TAFA2: variants seen among roughly 807,000 people sequenced by gnomAD.
The protein encoded by TAFA2 is chemokine-like protein TAFA-2.
In TAFA2, 7 loss-of-function variants were observed where a neutral mutation model predicts 18.8. That is an observed-to-expected ratio of 0.37 (90% CI 0.21 to 0.70). The LOEUF (loss-of-function observed/expected upper bound fraction) is 0.70, where lower values mean the gene tolerates loss of function less well. Among genes scored for constraint, TAFA2 ranks in the 30% least tolerant of loss-of-function variants. The pLI is 0.53. For missense variants in TAFA2, 122 were observed against 158.1 expected (o/e 0.77, Z 1.23); for synonymous variants, 60 against 54.2 (o/e 1.11, Z -0.47).
intron 1 of TAFA2, among the ~76,000 whole-genome samples, chr12:62,156,593 T>C (rs112433650): frequency 6.6e-6 from 1 of 151,974 alleles, no homozygotes; most frequent in African/African-American, 2.4e-5. Flanking sequence ...AATATATATA[T>C]AATATATATG....
In TAFA2 at chr12:62,031,952, T is replaced by C. The variant is rs144212777; in HGVS notation, c.-2+159307A>G. On this transcript the variant is annotated intron_variant, in intron 1 of 4. Transcript: ENST00000416284. ...TTTAGCTAGTATATTATGAGAAATA[T>C]TGTAAAACGTTATTTCTTCTTAACA... Among the ~76,000 whole-genome samples, 20 of 152,336 alleles carry C rather than the reference T, an allele frequency of 1.3e-4. No individual in the cohort carries two copies. The East Asian group carries it at 2.3e-3, about 18-fold the overall frequency.
At chr12:62,232,512 C>T (rs962885142) in intron 1 of TAFA2, among the ~76,000 whole-genome samples, 1 of 152,052 alleles carries the variant, frequency 6.6e-6, no homozygotes, top group Non-Finnish European at 1.5e-5. Flanking sequence ...AGAGAGTCCA[C>T]GTCTTTGTTT....
chr12:62,034,007 C>T lies in TAFA2; in HGVS notation c.-2+157252G>A, dbSNP rs536823759. Among the ~76,000 whole-genome samples, 58 of 152,282 alleles carry T rather than the reference C, an allele frequency of 3.8e-4. 1 individual carries two copies. Among genetic ancestry groups the T allele is most frequent in the Non-Finnish European group, 6.8e-4 (46 of 68,020 alleles). On this transcript the variant is annotated intron_variant, in intron 1 of 4. Transcript: ENST00000416284. ...AATTTCATGTGGTTCAATCTAATCC[C>T]TTTATTCAAAAAGCATTAACTGAAT...
At chr12:62,244,237 C>CT (rs35569192) in intron 1 of TAFA2, among the ~76,000 whole-genome samples, 2,220 of 134,244 alleles carry the variant, frequency 0.017, 46 homozygotes, top group African/African-American at 0.03. Flanking sequence ...TTTCTTTTGT[C>CT]TTTTTTTTTT....
chr12:61,929,974 G>A (rs991223326), intron 1 of TAFA2, among the ~76,000 whole-genome samples: 8 of 147,442 alleles, frequency 5.4e-5, no homozygotes, highest in Admixed American at 4.7e-4. Context: ...ATGGACACAG[G>A]AAGGGGAACA....
Position 61,981,404 on chromosome 12 carries a change from G to A in TAFA2, c.-1-113978C>T, listed in dbSNP as rs538721678. ...CTTTCAGGACATAGGCATGGGCAAG[G>A]ACTTCATGTCTAAAACAACAAAAGC... On this transcript the variant is annotated intron_variant, in intron 1 of 4. Coordinates refer to ENST00000416284, the MANE Select transcript of TAFA2 (RefSeq NM_178539.5). Among the ~76,000 whole-genome samples the A allele has an allele frequency of 4.6e-5, 7 of 152,252 alleles. No individual in the cohort carries two copies. In the South Asian group the frequency reaches 1.2e-3, roughly 27 times the overall value.
At chr12:62,144,618 CT>C in intron 1 of TAFA2, among the ~76,000 whole-genome samples, 1 of 152,298 alleles carries the variant, frequency 6.6e-6, no homozygotes, top group Admixed American at 6.5e-5. Context: ...TGTTACATTT[CT>C]TTTTTGTCTT....
chr12:62,039,692 TCTAA>T (rs1195478586), intron 1 of TAFA2, among the ~76,000 whole-genome samples: 2 of 152,170 alleles, frequency 1.3e-5, no homozygotes, highest in African/African-American at 4.8e-5. Flanking sequence ...AGATGGCTCT[TCTAA>T]CTGTTGCATG....
intron 1 of TAFA2, among the ~76,000 whole-genome samples, chr12:62,203,291 C>T (rs568661985): frequency 8.2e-4 from 125 of 152,316 alleles, no homozygotes; most frequent in Middle Eastern, 3.4e-3. Flanking sequence ...CGCCATGTGG[C>T]GCCAAGAATA....
At chr12:61,902,790 C>T (rs1876164676) in intron 1 of TAFA2, among the ~76,000 whole-genome samples, 1 of 152,166 alleles carries the variant, frequency 6.6e-6, no homozygotes, top group Non-Finnish European at 1.5e-5. Flanking sequence ...AGGTAGCTAA[C>T]AGGCATCTCA....
At chr12:61,890,874 A>T (rs769717091) in intron 1 of TAFA2, among the ~76,000 whole-genome samples, 1 of 152,272 alleles carries the variant, frequency 6.6e-6, no homozygotes, top group East Asian at 1.9e-4. Flanking sequence ...ACATCGTAGC[A>T]TAAGTGCCAG....
chr12:62,145,917 T>C (rs1043047088), intron 1 of TAFA2, among the ~76,000 whole-genome samples: 2 of 152,216 alleles, frequency 1.3e-5, no homozygotes, highest in Non-Finnish European at 2.9e-5. Flanking sequence ...TTGGGTAGGA[T>C]ACCAGGAAGG....
chr12:62,172,413 A>C (rs1327738692), intron 1 of TAFA2, among the ~76,000 whole-genome samples: 1 of 152,214 alleles, frequency 6.6e-6, no homozygotes, highest in African/African-American at 2.4e-5. Flanking sequence ...ATGTGTCCAA[A>C]AGAGGGCCCC....
chr12:62,248,764 T>A (rs991748095), intron 1 of TAFA2, among the ~76,000 whole-genome samples: 1 of 152,178 alleles, frequency 6.6e-6, no homozygotes, highest in African/African-American at 2.4e-5. Flanking sequence ...TGCGGCAAAA[T>A]ATATATAATA....
chr12:61,824,392 C>T (rs1307992049), intron 2 of TAFA2, among the ~76,000 whole-genome samples: 4 of 152,092 alleles, frequency 2.6e-5, no homozygotes, highest in Non-Finnish European at 5.9e-5. Context: ...TGGTAAGTTG[C>T]TATATGGCAA....
intron 2 of TAFA2, among the ~76,000 whole-genome samples, chr12:61,804,111 G>A (rs1871512377): frequency 6.6e-6 from 1 of 151,934 alleles, no homozygotes; most frequent in African/African-American, 2.4e-5. Context: ...AACAGACAGT[G>A]TAGATTCTTG....
At chr12:61,816,450 C>A (rs1263468747) in intron 2 of TAFA2, among the ~76,000 whole-genome samples, 1 of 151,224 alleles carries the variant, frequency 6.6e-6, no homozygotes, top group Non-Finnish European at 1.5e-5. Flanking sequence ...GATTCCATGT[C>A]TTTGCTGTTT....
At chr12:62,173,425 A>C (rs190650285) in intron 1 of TAFA2, among the ~76,000 whole-genome samples, 1 of 152,108 alleles carries the variant, frequency 6.6e-6, no homozygotes, top group Non-Finnish European at 1.5e-5. Flanking sequence ...AAGAAAAAAA[A>C]ATAGTGTGAA....
intron 1 of TAFA2, among the ~76,000 whole-genome samples, chr12:61,975,784 GT>G (rs1352421564): frequency 6.6e-6 from 1 of 151,636 alleles, no homozygotes; most frequent in African/African-American, 2.4e-5. Context: ...AGACTAATAA[GT>G]TCTGGAAACC....
Sources: gnomAD v4.1 joint callset for allele counts (sites outside exome capture counted in the v4.1 genomes callset) on GRCh38, gnomAD v4.1.1 for gene constraint, MANE v1.5 for transcripts, NCBI Gene and HGNC (gene_info 2026-07-23, HGNC 2026-07-21) for gene names.